TRAPPC9: variants seen among roughly 807,000 people sequenced by gnomAD.
TRAPPC9 encodes the protein IKK2 binding protein.
Under a neutral mutation model 124.0 loss-of-function variants are expected in TRAPPC9, and 83 were observed. The observed-to-expected ratio is 0.67, with a 90% CI of 0.56 to 0.80. The LOEUF is 0.80. TRAPPC9 is among the 30% of genes least tolerant of loss of function. The pLI, the probability that TRAPPC9 is intolerant of heterozygous loss-of-function variation, is 0.00. For missense variants in TRAPPC9, 1,302 were observed against 1,508.3 expected (o/e 0.86, Z 2.27); for synonymous variants, 638 against 617.5 (o/e 1.03, Z -0.49).
chr8:139,819,728 T>C (rs34195891), intron 21 of TRAPPC9, among the ~76,000 whole-genome samples: 1 of 151,902 alleles, frequency 6.6e-6, no homozygotes, highest in Non-Finnish European at 1.5e-5. Context: ...AAATCTACCA[T>C]CCAGGCCGGG....
chr8:139,750,341 TCCCCA>T (rs1819230243), intron 21 of TRAPPC9, among the ~76,000 whole-genome samples: 2 of 152,116 alleles, frequency 1.3e-5, no homozygotes, highest in Admixed American at 1.3e-4. Flanking sequence ...AAACCACGCC[TCCCCA>T]GGCCTCAGCA....
chr8:139,857,551 G>A (rs1827877436), intron 21 of TRAPPC9, among the ~76,000 whole-genome samples: 1 of 152,208 alleles, frequency 6.6e-6, no homozygotes, highest in African/African-American at 2.4e-5. Flanking sequence ...TCTCACGGCT[G>A]CCACTGGCCG....
intron 21 of TRAPPC9, among the ~76,000 whole-genome samples, chr8:139,758,850 G>A (rs1820030371): frequency 6.6e-6 from 1 of 152,236 alleles, no homozygotes; most frequent in Non-Finnish European, 1.5e-5. Context: ...AGGTGGTGAG[G>A]CTGAGGCGGG....
intron 21 of TRAPPC9, among the ~76,000 whole-genome samples, chr8:139,792,442 G>A (rs925881464): frequency 6.6e-6 from 1 of 152,234 alleles, no homozygotes; most frequent in Non-Finnish European, 1.5e-5. Context: ...GGCTGCGTGT[G>A]GGCCTGGCAT....
chr8:140,014,027 T>C (rs973249969), intron 18 of TRAPPC9, among the ~76,000 whole-genome samples: 7 of 152,060 alleles, frequency 4.6e-5, no homozygotes, highest in African/African-American at 1.7e-4. Context: ...TAAGTAAACA[T>C]AGCAACTGGA....
chr8:139,939,761 C>T (rs1587286316), intron 19 of TRAPPC9, among the ~76,000 whole-genome samples: 1 of 152,334 alleles, frequency 6.6e-6, no homozygotes, highest in South Asian at 2.1e-4. Context: ...TTGCCCAAAA[C>T]AGTTTCAGTT....
intron 3 of TRAPPC9, among the ~76,000 whole-genome samples, chr8:140,436,604 G>A (rs2070822870): frequency 6.6e-6 from 1 of 152,148 alleles, no homozygotes; most frequent in Admixed American, 6.5e-5. Flanking sequence ...CATGGAAGAG[G>A]CCCACGGCAC....
intron 20 of TRAPPC9, among the ~76,000 whole-genome samples, chr8:139,896,559 C>T (rs182814926): frequency 2.7e-4 from 41 of 152,280 alleles, no homozygotes; most frequent in East Asian, 1.2e-3. Flanking sequence ...AAGCCAGTGC[C>T]GCTAGCAAGT....
intron 2 of TRAPPC9, among the ~76,000 whole-genome samples, chr8:140,440,851 C>T (rs2070988522): frequency 1.3e-5 from 2 of 152,168 alleles, no homozygotes; most frequent in African/African-American, 4.8e-5. Context: ...CTCTATCCGC[C>T]TCACAACTTC....
chr8:139,730,800 G>C lies in TRAPPC9; in HGVS notation c.*261C>G. 1.9e-6 allele frequency: 1 copy of C among 525,840 alleles called. No homozygotes were observed. Among genetic ancestry groups the C allele is most frequent in the African/African-American group, 1.9e-5 (1 of 52,620 alleles). The allele number at this position is 525,840 out of a possible 1,614,324, so 32.6% of individuals were successfully genotyped here. A position where few individuals can be genotyped will look rare whatever the true frequency, so the allele number is the denominator to read the frequency against. On this transcript the variant is annotated 3_prime_UTR_variant, in exon 23 of 23. Coordinates refer to ENST00000438773, the MANE Select transcript of TRAPPC9 (RefSeq NM_001160372.4). The stretch of plus-strand genomic sequence containing the variant: ...CTGGGCTGGATGGGCACCCGCTTTG[G>C]GATTTCCTCTGCTTCAGCCTGTGTA...
chr8:139,950,286 T>C (rs997648281), intron 19 of TRAPPC9, among the ~76,000 whole-genome samples: 9 of 152,266 alleles, frequency 5.9e-5, no homozygotes, highest in African/African-American at 2.2e-4. Context: ...AAATACTTTT[T>C]ACTTGGCAAA....
At chr8:140,203,732 A>G (rs887327663) in intron 17 of TRAPPC9, among the ~76,000 whole-genome samples, 6 of 152,234 alleles carry the variant, frequency 3.9e-5, no homozygotes, top group Non-Finnish European at 8.8e-5. Flanking sequence ...AGAAGGACTC[A>G]GCCGAGGCAG....
At chr8:140,412,074 A>G (rs903537427) in intron 5 of TRAPPC9, among the ~76,000 whole-genome samples, 1 of 152,228 alleles carries the variant, frequency 6.6e-6, no homozygotes, top group African/African-American at 2.4e-5. Context: ...TATTATTTAC[A>G]TCGAGAAAAA....
intron 19 of TRAPPC9, among the ~76,000 whole-genome samples, chr8:139,957,492 G>A (rs1406983382): frequency 6.6e-6 from 1 of 152,242 alleles, no homozygotes; most frequent in African/African-American, 2.4e-5. Flanking sequence ...GGGGACCTAG[G>A]TAGGGCACGC....
At chr8:140,014,172 G>A (rs1443009410) in intron 18 of TRAPPC9, among the ~76,000 whole-genome samples, 4 of 152,098 alleles carry the variant, frequency 2.6e-5, no homozygotes, top group Admixed American at 6.5e-5. Context: ...CCCACGCCCC[G>A]CTCAGAGGAG....
Position 139,837,735 on chromosome 8 carries a change from G to A in TRAPPC9, c.3055+48144C>T, listed in dbSNP as rs549927050. On this transcript the variant is annotated intron_variant, in intron 21 of 22. Transcript: ENST00000438773. ...CATTTCCCCACACCCCTGGTCTCTC[G>A]TCCTTCCAGGCACCCAACCCAGATG... 7.5e-4 allele frequency among the ~76,000 whole-genome samples: 114 copies of A among 152,172 alleles called. No homozygotes were observed. In the South Asian group the frequency reaches 0.022, roughly 29 times the overall value.
chr8:139,968,635 C>T (rs1835866367), intron 19 of TRAPPC9, among the ~76,000 whole-genome samples: 1 of 152,212 alleles, frequency 6.6e-6, no homozygotes, highest in Non-Finnish European at 1.5e-5. Flanking sequence ...TTCAGAATGA[C>T]AGGAGCCTGC....
At chr8:139,733,895 G>A (rs1817993516) in intron 21 of TRAPPC9, among the ~76,000 whole-genome samples, 2 of 152,330 alleles carry the variant, frequency 1.3e-5, no homozygotes, top group South Asian at 2.1e-4. Context: ...CTAAGGACTG[G>A]CCTGCCTGGC....
At chr8:139,918,812 C>T (rs1341019769) in intron 19 of TRAPPC9, among the ~76,000 whole-genome samples, 1 of 152,256 alleles carries the variant, frequency 6.6e-6, no homozygotes, top group Admixed American at 6.5e-5. Flanking sequence ...CTGCCAGCTG[C>T]CCTCCCTCTC....
Sources: gnomAD v4.1 joint callset for allele counts (sites outside exome capture counted in the v4.1 genomes callset) on GRCh38, gnomAD v4.1.1 for gene constraint, MANE v1.5 for transcripts, NCBI Gene and HGNC (gene_info 2026-07-23, HGNC 2026-07-21) for gene names.